The following OR5C1 variants were observed in gnomAD, a reference collection of about 807,000 sequenced individuals.
The protein encoded by OR5C1 is olfactory receptor 5C1.
For synonymous variants in OR5C1, 184 were observed against 181.5 expected, an observed-to-expected ratio of 1.01 and a Z score of -0.11; for missense variants, 433 against 426.5, an observed-to-expected ratio of 1.02 and a Z score of -0.13.
rs766122047 is a variant in OR5C1, at chr9:122,789,552, G to A, written c.620G>A (p.Cys207Tyr). Residue 207 changes from cysteine to tyrosine, a missense_variant, in exon 1 of 1, where the codon TGT becomes TAT. Physicochemically the swap from Cys to Tyr is radical, Grantham distance 194. Coordinates refer to ENST00000373680, the MANE Select transcript of OR5C1 (RefSeq NM_001001923.1). ...AATGAACTCCTTCTCTTCGCCATCTGTGGCTTCATCCAGACAGCCACGGTG... is the reference window on the plus strand; with the variant it reads ...AATGAACTCCTTCTCTTCGCCATCTATGGCTTCATCCAGACAGCCACGGTG... Reference protein sequence around the residue: ...SLNELLLFAICGFIQTATVLA... With the variant: ...SLNELLLFAIYGFIQTATVLA... The A allele has an allele frequency of 4.3e-6, 7 of 1,614,114 alleles. No individual in the cohort carries two copies. The highest frequency in any genetic ancestry group is 5.9e-6 in the Non-Finnish European group (7 of 1,179,992).
rs750617760 is a variant in OR5C1 at position 122,789,612 on chromosome 9, G to A, written c.680G>A (p.Gly227Glu). Reference sequence around the variant, plus strand: ...ACGGTGTCTTATGGCTTCATCGCTGGGGCTGTGATCCACATGCGCTCGGTC... The same window carrying A: ...ACGGTGTCTTATGGCTTCATCGCTGAGGCTGTGATCCACATGCGCTCGGTC... Reference protein sequence around the residue: ...AITVSYGFIAGAVIHMRSVEG... With the variant: ...AITVSYGFIAEAVIHMRSVEG... The change falls in exon 1 of 1, where the codon GGG becomes GAG. Residue 227 changes from glycine to glutamate, a missense_variant. By Grantham distance (98) the Gly-to-Glu change is moderately conservative. Transcript: ENST00000373680. The A allele has an allele frequency of 1.2e-6, 2 of 1,613,784 alleles. No homozygotes were observed. Among genetic ancestry groups the A allele is most frequent in the South Asian group, 1.1e-5 (1 of 91,058 alleles).
At position 122,789,554 on chromosome 9, in the gene OR5C1, G is replaced by A. The variant is rs1186976839; in HGVS notation, c.622G>A (p.Gly208Ser). 6.2e-7 allele frequency: 1 copy of A among 1,613,946 alleles called. No homozygotes were observed. The highest frequency in any genetic ancestry group is 2.2e-5 in the East Asian group (1 of 44,888). ...LNELLLFAIC[G>S]FIQTATVLAI... ...TGAACTCCTTCTCTTCGCCATCTGT[G>A]GCTTCATCCAGACAGCCACGGTGTT... is the stretch of plus-strand genomic sequence containing the variant. The change falls in exon 1 of 1, where the codon GGC (glycine) becomes AGC (serine). Residue 208 changes from glycine to serine, a missense_variant. Gly to Ser is a moderately conservative substitution (Grantham distance 56). Coordinates refer to ENST00000373680, the MANE Select transcript of OR5C1 (RefSeq NM_001001923.1).
Position 122,789,281 on chromosome 9 carries a change from T to G in OR5C1, c.349T>G (p.Cys117Gly). Residue 117 changes from cysteine (C) to glycine (G), a missense_variant, in exon 1 of 1, where the codon TGC (cysteine) becomes GGC (glycine). By Grantham distance (159) the Cys-to-Gly change is radical. Coordinates refer to ENST00000373680, the MANE Select transcript of OR5C1 (RefSeq NM_001001923.1). ...VFAGLADTEC[C>G]LLAAMAYDRY... The stretch of plus-strand genomic sequence containing the variant: ...TGCAGGTCTGGCTGATACTGAGTGT[T>G]GCTTGCTGGCAGCCATGGCCTATGA... 1 of 1,614,012 alleles carries G rather than the reference T, an allele frequency of 6.2e-7. No individual in the cohort carries two copies. Among genetic ancestry groups the G allele is most frequent in the Non-Finnish European group, 8.5e-7 (1 of 1,179,886 alleles).
Position 122,789,466 on chromosome 9 carries a change from C to T in OR5C1, c.534C>T (p.Ile178=). ...TGAGCTTCTGCCGCTCCCGGAAGAT[C>T]AATAGCTTCTTCTGCGATATCCCTC... ...FRLSFCRSRK[I]NSFFCDIPPL... The change falls in exon 1 of 1, where the codon ATC becomes ATT. Residue 178 remains isoleucine, a synonymous_variant. Coordinates refer to ENST00000373680, the MANE Select transcript of OR5C1 (RefSeq NM_001001923.1). 6 of 1,614,196 alleles carry T rather than the reference C, an allele frequency of 3.7e-6. No homozygotes were observed. The highest frequency in any genetic ancestry group is 1.7e-4 in the Middle Eastern group (1 of 6,060).
At position 122,789,391 on chromosome 9, in the gene OR5C1, C is replaced by G. The variant is rs145584417; in HGVS notation, c.459C>G (p.Gly153=). ...GCCTGGCCTTGCTGGGAGCATCAGG[C>G]CTGGGTGGGGCAGTGAGTGCCTTTG... The part of the protein sequence containing the change: ...RLCLALLGAS[G]LGGAVSAFVH... Residue 153 remains glycine, a synonymous_variant, in exon 1 of 1, where the codon GGC becomes GGG. Coordinates refer to ENST00000373680, the MANE Select transcript of OR5C1 (RefSeq NM_001001923.1). The G allele has an allele frequency of 9.6e-4, 1,552 of 1,612,912 alleles. 11 individuals carry two copies. The African/African-American group carries it at 0.018, about 19-fold the overall frequency.
At position 122,789,393 on chromosome 9, in the gene OR5C1, TG is replaced by T. The variant is rs761615080; in HGVS notation, c.464del (p.Gly155ValfsTer4). The T allele has an allele frequency of 6.2e-7, 1 of 1,613,068 alleles. No individual in the cohort carries two copies. The highest frequency in any genetic ancestry group is 1.7e-5 in the Admixed American group (1 of 59,976). On this transcript the variant is annotated frameshift_variant, in exon 1 of 1. Coordinates refer to ENST00000373680, the MANE Select transcript of OR5C1 (RefSeq NM_001001923.1). LOFTEE classifies it low-confidence loss of function (END_TRUNC). Reference sequence around the variant, plus strand: ...CTGGCCTTGCTGGGAGCATCAGGCCTGGGTGGGGCAGTGAGTGCCTTTGTTC... The same window carrying T: ...CTGGCCTTGCTGGGAGCATCAGGCCTGGTGGGGCAGTGAGTGCCTTTGTTC... ...LCLALLGASG[L>X]GGAVSAFVHT...
chr9:122,789,415 T>C lies in OR5C1; in HGVS notation c.483T>C (p.Phe161=). 1 of 1,613,010 alleles carries C rather than the reference T, an allele frequency of 6.2e-7. No homozygotes were observed. ...ASGLGGAVSA[F]VHTTLTFRLS... ...GCCTGGGTGGGGCAGTGAGTGCCTT[T>C]GTTCACACAACCCTCACCTTCCGCC... Residue 161 remains phenylalanine, a synonymous_variant, in exon 1 of 1, where the codon TTT becomes TTC. Transcript: ENST00000373680.
rs775873682 is a variant in OR5C1 at position 122,789,508 on chromosome 9, G to A, written c.576G>A (p.Ser192=). 1.9e-5 allele frequency: 31 copies of A among 1,614,072 alleles called. No individual in the cohort carries two copies. The highest frequency in any genetic ancestry group is 3.3e-5 in the Admixed American group (2 of 60,000). ...FCDIPPLLAI[S]CSDTSLNELL... ...ATATCCCTCCACTGCTGGCCATCTC[G>A]TGCAGTGACACCAGTCTCAATGAAC... The change falls in exon 1 of 1, where the codon TCG becomes TCA. Residue 192 remains serine, a synonymous_variant. Coordinates refer to ENST00000373680, the MANE Select transcript of OR5C1 (RefSeq NM_001001923.1).
rs1829238791 is a variant in OR5C1, at chr9:122,789,748, G to GGACACT, written c.821_826dup (p.Thr274_Asp275dup). 1 of 1,611,660 alleles carries GGACACT rather than the reference G, an allele frequency of 6.2e-7. No homozygotes were observed. The highest frequency in any genetic ancestry group is 1.3e-5 in the African/African-American group (1 of 74,914). The stretch of plus-strand genomic sequence containing the variant: ...TGCGCCCCAGCTCCAGCTATGCCCT[G>GGACACT]GACACTGACAAGATGGCCTCTGTGT... On this transcript the variant is annotated inframe_insertion, in exon 1 of 1. Coordinates refer to ENST00000373680, the MANE Select transcript of OR5C1 (RefSeq NM_001001923.1).
Position 122,789,002 on chromosome 9 carries a change from C to A in OR5C1, c.70C>A (p.Arg24Ser), listed in dbSNP as rs746011322. The change falls in exon 1 of 1, where the codon CGC (arginine) becomes AGC (serine). Residue 24 changes from arginine (R) to serine (S), a missense_variant. Physicochemically the swap from Arg to Ser is moderately radical, Grantham distance 110. Coordinates refer to ENST00000373680, the MANE Select transcript of OR5C1 (RefSeq NM_001001923.1). ...AEFVLLGITNRWDLRVALFLT... is the reference protein window; with the variant it reads ...AEFVLLGITNSWDLRVALFLT... ...ATTCGTCCTCCTGGGCATCACAAAT[C>A]GCTGGGACCTGCGTGTGGCCCTCTT... 6.2e-7 allele frequency: 1 copy of A among 1,611,712 alleles called. No homozygotes were observed. The highest frequency in any genetic ancestry group is 1.7e-5 in the Admixed American group (1 of 59,858).
In OR5C1 at chr9:122,788,955, G is replaced by C; in HGVS notation, c.23G>C (p.Arg8Pro). Residue 8 changes from arginine to proline, a missense_variant, in exon 1 of 1, where the codon CGG (arginine) becomes CCG (proline). Transcript: ENST00000373680. Reference protein sequence around the residue: MNSENLTRAAVAPAEFVL... With the variant: MNSENLTPAAVAPAEFVL... The stretch of plus-strand genomic sequence containing the variant: ...AGGATGAACTCAGAGAACCTCACCC[G>C]GGCCGCGGTTGCCCCTGCTGAATTC... The C allele has an allele frequency of 1.3e-6, 2 of 1,583,688 alleles. No individual in the cohort carries two copies. The highest frequency in any genetic ancestry group is 2.7e-5 in the African/African-American group (2 of 74,670).
In OR5C1 at chr9:122,789,780, C is replaced by A. The variant is rs749460592; in HGVS notation, c.848C>A (p.Thr283Asn). Residue 283 changes from threonine (T) to asparagine (N), a missense_variant, in exon 1 of 1, where the codon ACC becomes AAC. Coordinates refer to ENST00000373680, the MANE Select transcript of OR5C1 (RefSeq NM_001001923.1). ...GACAAGATGGCCTCTGTGTTCTATA[C>A]CCTGGTCATCCCGTCTCTCAACCCA... Reference protein sequence around the residue: ...DTDKMASVFYTLVIPSLNPLI... With the variant: ...DTDKMASVFYNLVIPSLNPLI... The A allele has an allele frequency of 1.9e-6, 3 of 1,612,306 alleles. No individual in the cohort carries two copies.
chr9:122,789,172 C>T lies in OR5C1; in HGVS notation c.240C>T (p.Ala80=). Residue 80 remains alanine (A), a synonymous_variant, in exon 1 of 1, where the codon GCC becomes GCT. Coordinates refer to ENST00000373680, the MANE Select transcript of OR5C1 (RefSeq NM_001001923.1). Reference sequence around the variant, plus strand: ...TGCTGGATGCCTGCTATTCCTCCGCCATCGGCCCCAAGATGCTAGTGGACC... The same window carrying T: ...TGCTGGATGCCTGCTATTCCTCCGCTATCGGCCCCAAGATGCTAGTGGACC... ...LSLLDACYSS[A]IGPKMLVDLL... 6.2e-7 allele frequency: 1 copy of T among 1,614,134 alleles called. No homozygotes were observed. Among genetic ancestry groups the T allele is most frequent in the Non-Finnish European group, 8.5e-7 (1 of 1,179,990 alleles).
In OR5C1 at chr9:122,788,975, G is replaced by A; in HGVS notation, c.43G>A (p.Glu15Lys). Reference protein sequence around the residue: ...NLTRAAVAPAEFVLLGITNRW... With the variant: ...NLTRAAVAPAKFVLLGITNRW... Reference sequence around the variant, plus strand: ...CACCCGGGCCGCGGTTGCCCCTGCTGAATTCGTCCTCCTGGGCATCACAAA... The same window carrying A: ...CACCCGGGCCGCGGTTGCCCCTGCTAAATTCGTCCTCCTGGGCATCACAAA... The change falls in exon 1 of 1, where the codon GAA (glutamate) becomes AAA (lysine). Residue 15 changes from glutamate to lysine, a missense_variant. Coordinates refer to ENST00000373680, the MANE Select transcript of OR5C1 (RefSeq NM_001001923.1). 1.2e-6 allele frequency: 2 copies of A among 1,602,692 alleles called. No individual in the cohort carries two copies. Among genetic ancestry groups the A allele is most frequent in the East Asian group, 2.2e-5 (1 of 44,810 alleles).
At position 122,789,137 on chromosome 9, in the gene OR5C1, A is replaced by G; in HGVS notation, c.205A>G (p.Asn69Asp). ...LHTPMYFFLA[N>D]LSLLDACYSS... Reference sequence around the variant, plus strand: ...CACACCTATGTACTTCTTCCTGGCCAACCTCTCCCTGCTGGATGCCTGCTA... The same window carrying G: ...CACACCTATGTACTTCTTCCTGGCCGACCTCTCCCTGCTGGATGCCTGCTA... Residue 69 changes from asparagine to aspartate, a missense_variant, in exon 1 of 1, where the codon AAC becomes GAC. Transcript: ENST00000373680. 1 of 1,613,780 alleles carries G rather than the reference A, an allele frequency of 6.2e-7. No individual in the cohort carries two copies. Among genetic ancestry groups the G allele is most frequent in the African/African-American group, 1.3e-5 (1 of 75,036 alleles).
Position 122,789,407 on chromosome 9 carries a change from AGT to A in OR5C1, c.477_478del (p.Ala160LeufsTer20), listed in dbSNP as rs1247546742. ...LGASGLGGAV[S>X]AFVHTTLTFR... Reference sequence around the variant, plus strand: ...AGCATCAGGCCTGGGTGGGGCAGTGAGTGCCTTTGTTCACACAACCCTCACCT... The same window carrying A: ...AGCATCAGGCCTGGGTGGGGCAGTGAGCCTTTGTTCACACAACCCTCACCT... On this transcript the variant is annotated frameshift_variant, in exon 1 of 1. Transcript: ENST00000373680. LOFTEE classifies it low-confidence loss of function (END_TRUNC). The A allele has an allele frequency of 6.2e-7, 1 of 1,612,610 alleles. No individual in the cohort carries two copies. The highest frequency in any genetic ancestry group is 8.5e-7 in the Non-Finnish European group (1 of 1,179,058).
Position 122,788,937 on chromosome 9 carries a change from A to G in OR5C1, c.5A>G (p.Asn2Ser), listed in dbSNP as rs1201087344. The G allele has an allele frequency of 6.4e-7, 1 of 1,570,408 alleles. No individual in the cohort carries two copies. Among genetic ancestry groups the G allele is most frequent in the Admixed American group, 1.8e-5 (1 of 56,824 alleles). Residue 2 changes from asparagine to serine, a missense_variant, in exon 1 of 1, where the codon AAC (asparagine) becomes AGC (serine). Asn to Ser is a conservative substitution (Grantham distance 46). Transcript: ENST00000373680. M[N>S]SENLTRAAVA... ...TCTCAGTCTCTGTCCAGTAGGATGA[A>G]CTCAGAGAACCTCACCCGGGCCGCG...
Position 122,789,689 on chromosome 9 carries a change from G to T in OR5C1, c.757G>T (p.Ala253Ser). The stretch of plus-strand genomic sequence containing the variant: ...CGGTGGTTCCCACCTCACAGCCGTG[G>T]CCATGATGTACGGGACACTCATTTT... ...STGGSHLTAVAMMYGTLIFMY... is the reference protein window; with the variant it reads ...STGGSHLTAVSMMYGTLIFMY... Residue 253 changes from alanine (A) to serine (S), a missense_variant, in exon 1 of 1, where the codon GCC (alanine) becomes TCC (serine). By Grantham distance (99) the Ala-to-Ser change is moderately conservative (BLOSUM62 1). Coordinates refer to ENST00000373680, the MANE Select transcript of OR5C1 (RefSeq NM_001001923.1). 6.2e-7 allele frequency: 1 copy of T among 1,606,272 alleles called. No individual in the cohort carries two copies. Among genetic ancestry groups the T allele is most frequent in the Non-Finnish European group, 8.5e-7 (1 of 1,175,796 alleles).
At position 122,789,828 on chromosome 9, in the gene OR5C1, A is replaced by T. The variant is rs887306779; in HGVS notation, c.896A>T (p.Lys299Met). ...LNPLIYSLRN[K>M]EVKEALRQTW... ...CCACTCATCTACAGCCTCCGCAATA[A>T]GGAGGTCAAGGAGGCCCTCAGGCAG... The change falls in exon 1 of 1, where the codon AAG becomes ATG. Residue 299 changes from lysine to methionine, a missense_variant. Transcript: ENST00000373680. The T allele has an allele frequency of 1.6e-5, 25 of 1,589,772 alleles. No homozygotes were observed. Among genetic ancestry groups the T allele is most frequent in the Non-Finnish European group, 2.0e-5 (23 of 1,169,102 alleles).
Sources: gnomAD v4.1 joint callset for allele counts on GRCh38, gnomAD v4.1.1 for gene constraint, MANE v1.5 for transcripts, NCBI Gene and HGNC (gene_info 2026-07-23, HGNC 2026-07-21) for gene names.